PRR5L: variants seen among roughly 807,000 people sequenced by gnomAD.
PRR5L encodes the protein proline rich 5 like.
Under a neutral mutation model 36.4 loss-of-function variants are expected in PRR5L, and 21 were observed. The observed-to-expected ratio is 0.58, with a 90% CI of 0.41 to 0.83. PRR5L has a LOEUF of 0.83. PRR5L is among the 40% of genes least tolerant of loss of function. The pLI is 0.00. For missense variants in PRR5L, 381 were observed against 473.3 expected (o/e 0.80, Z 1.81); for synonymous variants, 188 against 197.0 (o/e 0.95, Z 0.38).
chr11:36,386,089 A>C (rs1284820312), intron 1 of PRR5L, among the ~76,000 whole-genome samples: 1 of 152,194 alleles, frequency 6.6e-6, no homozygotes, highest in Non-Finnish European at 1.5e-5. Context: ...TGAGGCCAGG[A>C]GTTCAAGACT....
At chr11:36,449,095 T>C (rs997606910) in intron 7 of PRR5L, among the ~76,000 whole-genome samples, 2 of 152,206 alleles carry the variant, frequency 1.3e-5, no homozygotes, top group Admixed American at 1.3e-4. Flanking sequence ...TGGCCCATGT[T>C]CTTCCTTGCC....
intron 1 of PRR5L, among the ~76,000 whole-genome samples, chr11:36,395,256 AC>A (rs1262368237): frequency 2.0e-5 from 3 of 152,240 alleles, no homozygotes; most frequent in Non-Finnish European, 2.9e-5. Context: ...TAGTCAAGCT[AC>A]CATTAAACAT....
chr11:36,411,559 CCCT>C (rs1303229013), intron 3 of PRR5L, among the ~76,000 whole-genome samples: 4 of 152,138 alleles, frequency 2.6e-5, no homozygotes, highest in Non-Finnish European at 5.9e-5. Context: ...CTTCACATTA[CCCT>C]CAGCTCCCGG....
intron 8 of PRR5L, among the ~76,000 whole-genome samples, chr11:36,454,273 C>G (rs1859003324): frequency 6.6e-6 from 1 of 151,988 alleles, no homozygotes; most frequent in South Asian, 2.1e-4. Context: ...GGATCCTAAG[C>G]CAGACATTTC....
chr11:36,385,342 G>A (rs1278451846), intron 1 of PRR5L, among the ~76,000 whole-genome samples: 1 of 152,238 alleles, frequency 6.6e-6, no homozygotes, highest in African/African-American at 2.4e-5. Context: ...GAGTAAATAA[G>A]ATGTGTGGTT....
intron 5 of PRR5L, among the ~76,000 whole-genome samples, chr11:36,435,196 C>T (rs1428139129): frequency 6.6e-6 from 1 of 151,960 alleles, no homozygotes; most frequent in African/African-American, 2.4e-5. Context: ...TTAGACTTCC[C>T]CCTCCTCCTC....
chr11:36,422,166 G>A (rs1054465927), intron 4 of PRR5L, among the ~76,000 whole-genome samples: 4 of 152,200 alleles, frequency 2.6e-5, no homozygotes, highest in Non-Finnish European at 5.9e-5. Context: ...ACCAGGCACT[G>A]CTTAAAAATG....
At chr11:36,331,860 G>T (rs927771897) in intron 1 of PRR5L, among the ~76,000 whole-genome samples, 2 of 152,104 alleles carry the variant, frequency 1.3e-5, no homozygotes, top group Non-Finnish European at 2.9e-5. Context: ...ATTAGTCAGG[G>T]TTCTCCAGAA....
At chr11:36,363,266 C>T (rs1565417446) in intron 1 of PRR5L, among the ~76,000 whole-genome samples, 1 of 152,080 alleles carries the variant, frequency 6.6e-6, no homozygotes, top group Non-Finnish European at 1.5e-5. Flanking sequence ...AAAAGTAAGC[C>T]CAATTCTTTG....
intron 1 of PRR5L, chr11:36,376,388 TGAGAGAG>T (rs1857261862): frequency 8.7e-7 from 1 of 1,146,454 alleles, no homozygotes; most frequent in African/African-American, 1.8e-5. Flanking sequence ...GGCCGTAAGA[TGAGAGAG>T]GAGGGAAACG....
At chr11:36,455,895 A>T (rs1859047638) in intron 8 of PRR5L, among the ~76,000 whole-genome samples, 1 of 152,210 alleles carries the variant, frequency 6.6e-6, no homozygotes, top group African/African-American at 2.4e-5. Context: ...CGGGGGACTC[A>T]ACACAGCCTT....
chr11:36,386,249 A>G (rs1283147202), intron 1 of PRR5L, among the ~76,000 whole-genome samples: 1 of 152,198 alleles, frequency 6.6e-6, no homozygotes, highest in Non-Finnish European at 1.5e-5. Flanking sequence ...TTGTGCCACC[A>G]TACTCCAGCC....
intron 1 of PRR5L, among the ~76,000 whole-genome samples, chr11:36,373,591 T>A (rs1367717705): frequency 6.8e-6 from 1 of 146,518 alleles, no homozygotes; most frequent in African/African-American, 2.6e-5. Flanking sequence ...AGAGCAAGAC[T>A]CTGTTTTAAA....
At chr11:36,441,710 T>TGGG (rs1858726279) in intron 6 of PRR5L, among the ~76,000 whole-genome samples, 1 of 152,162 alleles carries the variant, frequency 6.6e-6, no homozygotes, top group Non-Finnish European at 1.5e-5. Flanking sequence ...AGTCTCTTTG[T>TGGG]GGGGGCTCCA....
intron 1 of PRR5L, among the ~76,000 whole-genome samples, chr11:36,369,486 T>C (rs1356495723): frequency 6.6e-6 from 1 of 152,180 alleles, no homozygotes; most frequent in African/African-American, 2.4e-5. Context: ...AGGTATGTGA[T>C]GGTTCCTGGA....
intron 1 of PRR5L, among the ~76,000 whole-genome samples, chr11:36,313,684 G>T (rs1227925927): frequency 2.6e-5 from 4 of 152,158 alleles, no homozygotes; most frequent in Admixed American, 1.3e-4. Context: ...TCAAATTAAG[G>T]TTCCAGAAGC....
At chr11:36,347,727 G>A (rs994934295) in intron 1 of PRR5L, among the ~76,000 whole-genome samples, 2 of 151,672 alleles carry the variant, frequency 1.3e-5, no homozygotes, top group Non-Finnish European at 2.9e-5. Flanking sequence ...TCCACTTCTT[G>A]TCAAGCAGAT....
chr11:36,402,065 G>T (rs1271883426), intron 2 of PRR5L, among the ~76,000 whole-genome samples: 18 of 152,224 alleles, frequency 1.2e-4, no homozygotes, highest in Non-Finnish European at 2.2e-4. Flanking sequence ...ACAGAGTTTT[G>T]TTAGGTGTCT....
At chr11:36,312,472 A>G (rs1293901398) in intron 1 of PRR5L, among the ~76,000 whole-genome samples, 2 of 152,228 alleles carry the variant, frequency 1.3e-5, no homozygotes, top group Non-Finnish European at 2.9e-5. Context: ...GGTGCTTGGA[A>G]GTATGCCTGC....
Sources: allele counts gnomAD v4.1 joint callset (sites outside exome capture counted in the v4.1 genomes callset), GRCh38; gene constraint gnomAD v4.1.1; transcripts MANE v1.5; gene names NCBI Gene and HGNC (gene_info 2026-07-23, HGNC 2026-07-21).